Variants in SRD5A1 observed in about 807,000 individuals in gnomAD.
SRD5A1 encodes 3-oxo-5-alpha-steroid 4-dehydrogenase 1.
In SRD5A1, 22 loss-of-function variants were observed where a neutral mutation model predicts 28.2. The ratio of observed to expected loss-of-function variants is 0.78; its 90% CI spans 0.56 to 1.12. The LOEUF (loss-of-function observed/expected upper bound fraction) is 1.12, where lower values mean the gene tolerates loss of function less well. SRD5A1 is among the 50% of genes most tolerant of loss of function. SRD5A1 has a pLI of 0.00. For synonymous variants in SRD5A1, 151 were observed against 135.0 expected, an observed-to-expected ratio of 1.12 and a Z score of -0.82; for missense variants, 300 against 346.7, an observed-to-expected ratio of 0.87 and a Z score of 1.07.
intron 2 of SRD5A1, among the ~76,000 whole-genome samples, chr5:6,653,801 G>A (rs1414346175): frequency 4.6e-5 from 7 of 152,134 alleles, no homozygotes; most frequent in Non-Finnish European, 7.4e-5. Context: ...TTCGCATCAC[G>A]TAGAGGTGAC....
intron 1 of SRD5A1, among the ~76,000 whole-genome samples, chr5:6,637,362 T>TGA (rs201083659): frequency 0.013 from 1,976 of 152,240 alleles, 43 homozygotes; most frequent in African/African-American, 0.045. Context: ...TCATCTGTGT[T>TGA]GGTTCTTGCT....
At chr5:6,642,147 A>T (rs1738380700) in intron 1 of SRD5A1, among the ~76,000 whole-genome samples, 1 of 152,242 alleles carries the variant, frequency 6.6e-6, no homozygotes. Context: ...TTGGTGAGGG[A>T]TAACATTTCA....
chr5:6,647,265 G>A (rs905544131), intron 1 of SRD5A1, among the ~76,000 whole-genome samples: 10 of 152,282 alleles, frequency 6.6e-5, no homozygotes, highest in African/African-American at 2.4e-4. Context: ...GATTTGGGGT[G>A]GAGAGTTCTG....
intron 2 of SRD5A1, chr5:6,653,313 A>G (rs1322167375): frequency 6.6e-6 from 1 of 152,170 alleles, no homozygotes; most frequent in African/African-American, 2.4e-5. Flanking sequence ...ATCCTTTTCT[A>G]GCTCCAGAGT....
chr5:6,659,804 C>T (rs56012405), intron 3 of SRD5A1, among the ~76,000 whole-genome samples: 4 of 152,324 alleles, frequency 2.6e-5, no homozygotes, highest in Non-Finnish European at 5.9e-5. Context: ...CATGTAAAAT[C>T]TGTCAGGTTT....
At chr5:6,652,093 A>G (rs901482144) in intron 2 of SRD5A1, 85 bp downstream of exon 2, 1 of 1,429,200 alleles carries the variant, frequency 7.0e-7, no homozygotes, top group Non-Finnish European at 9.4e-7. Flanking sequence ...GAGAAAGTCC[A>G]AGCTTCCTGT....
At chr5:6,659,822 T>A (rs1738951413) in intron 3 of SRD5A1, among the ~76,000 whole-genome samples, 1 of 152,182 alleles carries the variant, frequency 6.6e-6, no homozygotes, top group Admixed American at 6.5e-5. Context: ...TTTTGAAGAC[T>A]CAGGTGTAGG....
intron 1 of SRD5A1, among the ~76,000 whole-genome samples, chr5:6,637,118 A>G (rs546840486): frequency 1.1e-3 from 160 of 152,184 alleles, no homozygotes; most frequent in Non-Finnish European, 1.8e-3. Flanking sequence ...GCAGCGTCTC[A>G]CTGGGGCCCT....
chr5:6,636,265 G>C (rs1450883509), intron 1 of SRD5A1, among the ~76,000 whole-genome samples: 4 of 152,188 alleles, frequency 2.6e-5, no homozygotes, highest in African/African-American at 7.2e-5. Context: ...ATTTAGCACT[G>C]AACACAAACC....
At chr5:6,666,635 G>C (rs1426540327) in intron 4 of SRD5A1, among the ~76,000 whole-genome samples, 1 of 152,146 alleles carries the variant, frequency 6.6e-6, no homozygotes, top group Non-Finnish European at 1.5e-5. Flanking sequence ...TAAGGAGTAA[G>C]AAAAATTTAA....
chr5:6,666,309 G>A (rs573849470), intron 4 of SRD5A1, among the ~76,000 whole-genome samples: 8 of 151,972 alleles, frequency 5.3e-5, no homozygotes, highest in Non-Finnish European at 8.8e-5. Flanking sequence ...CACCATGCCC[G>A]GCTAATTTTT....
At chr5:6,664,538 G>A (rs1739104118) in intron 4 of SRD5A1, among the ~76,000 whole-genome samples, 1 of 152,086 alleles carries the variant, frequency 6.6e-6, no homozygotes. Flanking sequence ...CCAAGTAGCT[G>A]GGATTACAGG....
At chr5:6,636,730 GTATT>G (rs1738194546) in intron 1 of SRD5A1, among the ~76,000 whole-genome samples, 1 of 152,218 alleles carries the variant, frequency 6.6e-6, no homozygotes, top group South Asian at 2.1e-4. Flanking sequence ...GCGCTTTCAT[GTATT>G]TATTCAGCAA....
At chr5:6,651,574 C>T (rs1220702470) in intron 1 of SRD5A1, among the ~76,000 whole-genome samples, 8 of 152,110 alleles carry the variant, frequency 5.3e-5, no homozygotes, top group African/African-American at 1.2e-4. Flanking sequence ...ACAGGAAGAT[C>T]GCTTAAGCCC....
chr5:6,661,528 G>GTT (rs1739000942), intron 3 of SRD5A1, among the ~76,000 whole-genome samples: 3 of 121,072 alleles, frequency 2.5e-5, no homozygotes, highest in African/African-American at 6.4e-5. Context: ...TAATAGGTTT[G>GTT]TCTTTTTTTT....
At chr5:6,657,898 A>G (rs141553280) in intron 3 of SRD5A1, among the ~76,000 whole-genome samples, 20 of 152,370 alleles carry the variant, frequency 1.3e-4, no homozygotes, top group Non-Finnish European at 2.8e-4. Context: ...CCTGAACAAC[A>G]AAAAAGGTAC....
chr5:6,633,944 G>T (rs1738082471), intron 1 of SRD5A1, 75 bp downstream of exon 1: 18 of 1,515,876 alleles, frequency 1.2e-5, no homozygotes, highest in South Asian at 2.3e-5. Flanking sequence ...TCACTGCCCG[G>T]TGCCCTCTCC....
rs1269315562 is a variant in SRD5A1, at chr5:6,674,129, T to G, written c.*5861T>G. 1 of 151,766 alleles carries G rather than the reference T, an allele frequency of 6.6e-6. No individual in the cohort carries two copies. The highest frequency in any genetic ancestry group is 2.4e-5 in the African/African-American group (1 of 41,406). The allele number at this position is 151,766 out of a possible 1,614,324, so 9.4% of individuals were successfully genotyped here. On this transcript the variant is annotated 3_prime_UTR_variant, in exon 5 of 5. Coordinates refer to ENST00000274192, the MANE Select transcript of SRD5A1 (RefSeq NM_001047.4). ...AATAATATTATTTAATTAAAATGAT[T>G]TATTTTACTTATTTTCATTATTATC... is the stretch of plus-strand genomic sequence containing the variant.
chr5:6,660,558 G>A (rs1738970380), intron 3 of SRD5A1, among the ~76,000 whole-genome samples: 1 of 152,274 alleles, frequency 6.6e-6, no homozygotes. Context: ...GAAAGTGAAA[G>A]TGACTAAGCT....
Sources: gnomAD v4.1 joint callset for allele counts (sites outside exome capture counted in the v4.1 genomes callset) on GRCh38, gnomAD v4.1.1 for gene constraint, MANE v1.5 for transcripts, NCBI Gene and HGNC (gene_info 2026-07-23, HGNC 2026-07-21) for gene names.